Variants in FNIP1 observed in about 807,000 individuals in gnomAD.
FNIP1 encodes folliculin-interacting protein 1.
FNIP1 carries 40 observed loss-of-function variants against 124.5 expected under a neutral mutation model. The ratio of observed to expected loss-of-function variants is 0.32; its 90% CI spans 0.25 to 0.42. The LOEUF (loss-of-function observed/expected upper bound fraction) is 0.42, where lower values mean the gene tolerates loss of function less well. FNIP1 is among the 10% of genes least tolerant of loss of function. FNIP1 has a pLI of 1.00. For missense variants in FNIP1, 1,176 were observed against 1,403.7 expected, an observed-to-expected ratio of 0.84 and a Z score of 2.59; for synonymous variants, 472 against 470.6, an observed-to-expected ratio of 1.00 and a Z score of -0.04.
At chr5:131,770,464 T>C (rs1771592068) in intron 1 of FNIP1, among the ~76,000 whole-genome samples, 1 of 152,204 alleles carries the variant, frequency 6.6e-6, no homozygotes, top group Admixed American at 6.6e-5. Flanking sequence ...GGTGCATCTG[T>C]GTATGTATCC....
chr5:131,688,938 G>A (rs1301010393), intron 11 of FNIP1, among the ~76,000 whole-genome samples: 3 of 151,070 alleles, frequency 2.0e-5, no homozygotes, highest in South Asian at 4.2e-4. Context: ...TAATAGCTTC[G>A]AATTAAAAAA....
chr5:131,775,540 T>C (rs1009328150), intron 1 of FNIP1, among the ~76,000 whole-genome samples: 6 of 147,400 alleles, frequency 4.1e-5, no homozygotes, highest in African/African-American at 1.5e-4. Context: ...TTTTTTTTTT[T>C]TTTTTGAGAA....
At chr5:131,772,224 C>T (rs1771658812) in intron 1 of FNIP1, among the ~76,000 whole-genome samples, 1 of 152,050 alleles carries the variant, frequency 6.6e-6, no homozygotes. Context: ...AAAATCACAT[C>T]AGTTCTTGCC....
At chr5:131,669,664 A>C (rs1440155119) in intron 15 of FNIP1, among the ~76,000 whole-genome samples, 2 of 152,138 alleles carry the variant, frequency 1.3e-5, no homozygotes, top group Non-Finnish European at 2.9e-5. Flanking sequence ...GACAAAAAAA[A>C]CCAAACCGTC....
chr5:131,646,363 G>A (rs1331706835), intron 17 of FNIP1, among the ~76,000 whole-genome samples: 1 of 152,174 alleles, frequency 6.6e-6, no homozygotes, highest in Non-Finnish European at 1.5e-5. Flanking sequence ...TAGTAAGAAT[G>A]AAGAAATAAC....
At chr5:131,788,896 C>T in intron 1 of FNIP1, among the ~76,000 whole-genome samples, 1 of 151,914 alleles carries the variant, frequency 6.6e-6, no homozygotes, top group East Asian at 1.9e-4. Context: ...ACCATATGAT[C>T]CAGCAATCTG....
chr5:131,716,730 G>T, intron 5 of FNIP1, 74 bp from the exon 6 acceptor site: 1 of 835,582 alleles, frequency 1.2e-6, no homozygotes, highest in Non-Finnish European at 1.8e-6. Flanking sequence ...ACATCCTGAT[G>T]AAATTTTAAG....
At chr5:131,667,145 C>T (rs1167911471) in intron 15 of FNIP1, among the ~76,000 whole-genome samples, 1 of 152,158 alleles carries the variant, frequency 6.6e-6, no homozygotes, top group Non-Finnish European at 1.5e-5. Context: ...AAGTATCTTC[C>T]TCAGGCACTA....
intron 2 of FNIP1, among the ~76,000 whole-genome samples, chr5:131,742,534 T>C (rs1022862025): frequency 1.3e-5 from 2 of 152,206 alleles, no homozygotes; most frequent in African/African-American, 4.8e-5. Flanking sequence ...ATGGTCAAAA[T>C]AATATTTATA....
rs1474323082 is a variant in FNIP1 at position 131,642,730 on chromosome 5, G to A, written c.*1955C>T. 1 of 152,034 alleles carries A rather than the reference G, an allele frequency of 6.6e-6. No homozygotes were observed. 9.4% of individuals were successfully genotyped at this position (152,034 alleles called of 1,614,324 possible). A position where few individuals can be genotyped will look rare whatever the true frequency, so the allele number is the denominator to read the frequency against. On this transcript the variant is annotated 3_prime_UTR_variant, in exon 18 of 18. Transcript: ENST00000510461. Reference sequence around the variant, plus strand: ...CTACTAAAAATAAAAAATTAGCTGGGTGTGGTGGCGCACACTTGTAATCCC... The same window carrying A: ...CTACTAAAAATAAAAAATTAGCTGGATGTGGTGGCGCACACTTGTAATCCC...
chr5:131,756,760 T>C (rs1436504195), intron 1 of FNIP1, among the ~76,000 whole-genome samples: 1 of 152,156 alleles, frequency 6.6e-6, no homozygotes, highest in Non-Finnish European at 1.5e-5. Context: ...TACAAGCATA[T>C]GTGAGGTGGG....
At chr5:131,748,384 G>T (rs190597824) in intron 1 of FNIP1, among the ~76,000 whole-genome samples, 2 of 152,148 alleles carry the variant, frequency 1.3e-5, no homozygotes, top group Admixed American at 1.3e-4. Flanking sequence ...TGTAAAATAC[G>T]CAATACTTGA....
At chr5:131,697,968 C>CAAAAAAAAAAAAAAAAAAAA (rs753487190) in intron 11 of FNIP1, among the ~76,000 whole-genome samples, 12 of 58,698 alleles carry the variant, frequency 2.0e-4, no homozygotes, top group East Asian at 6.5e-4. Context: ...GACTCCACCT[C>CAAAAAAAAAAAAAAAAAAAA]AAAAAAAAAA....
At position 131,671,805 on chromosome 5, in the gene FNIP1, T is replaced by A. The variant is rs1464463694; in HGVS notation, c.2639A>T (p.Gln880Leu). Reference protein sequence around the residue: ...SKILCTKNNKQNNEFCKCIET... With the variant: ...SKILCTKNNKLNNEFCKCIET... ...TATACATTTACAAAATTCATTGTTCTGCTTGTTATTTTTTGTACACAATAT... is the reference window on the plus strand; with the variant it reads ...TATACATTTACAAAATTCATTGTTCAGCTTGTTATTTTTTGTACACAATAT... The change falls in exon 14 of 18, where the codon CAG (glutamine) becomes CTG (leucine). Residue 880 changes from glutamine to leucine, a missense_variant. Transcript: ENST00000510461. 6.2e-7 allele frequency: 1 copy of A among 1,613,970 alleles called. No individual in the cohort carries two copies. The highest frequency in any genetic ancestry group is 1.3e-5 in the African/African-American group (1 of 74,938).
In FNIP1 at chr5:131,792,066, T is replaced by C. The variant is rs373848751; in HGVS notation, c.92+4764A>G. ...CACATTAAGTTCTTTACATGACTTA[T>C]CTCTGAATCCTTAAAATAAACCTGT... On this transcript the variant is annotated intron_variant, in intron 1 of 17. Coordinates refer to ENST00000510461, the MANE Select transcript of FNIP1 (RefSeq NM_133372.3). Among the ~76,000 whole-genome samples the C allele has an allele frequency of 1.7e-3, 254 of 152,294 alleles. 1 individual carries two copies. The highest frequency in any genetic ancestry group is 3.4e-3 in the Middle Eastern group (1 of 294).
chr5:131,658,190 G>A (rs1279580496), intron 15 of FNIP1, among the ~76,000 whole-genome samples: 1 of 152,134 alleles, frequency 6.6e-6, no homozygotes, highest in Non-Finnish European at 1.5e-5. Flanking sequence ...GAAGCAGCAA[G>A]GCCAAAAAAC....
chr5:131,775,688 C>T (rs570221496), intron 1 of FNIP1, among the ~76,000 whole-genome samples: 31 of 151,780 alleles, frequency 2.0e-4, no homozygotes, highest in South Asian at 1.0e-3. Context: ...CCACCACGTC[C>T]GGCTAATTTT....
chr5:131,743,713 A>G (rs1238447558), intron 2 of FNIP1, among the ~76,000 whole-genome samples: 2 of 152,182 alleles, frequency 1.3e-5, no homozygotes, highest in Non-Finnish European at 2.9e-5. Flanking sequence ...GGACTTGAAG[A>G]GTTCTCTTGC....
intron 11 of FNIP1, among the ~76,000 whole-genome samples, chr5:131,688,162 C>T (rs1254758460): frequency 6.6e-6 from 1 of 151,796 alleles, no homozygotes; most frequent in African/African-American, 2.4e-5. Context: ...CTCTCTCCAA[C>T]ACCTTACTTC....
Sources: allele counts gnomAD v4.1 joint callset (sites outside exome capture counted in the v4.1 genomes callset), GRCh38; gene constraint gnomAD v4.1.1; transcripts MANE v1.5; gene names NCBI Gene and HGNC (gene_info 2026-07-23, HGNC 2026-07-21).